The following NMRAL1 variants were observed in gnomAD, a reference collection of about 807,000 sequenced individuals.
NMRAL1 encodes the protein nmrA-like family domain-containing protein 1.
NMRAL1 carries 32 observed loss-of-function variants against 27.5 expected under a neutral mutation model. The observed-to-expected ratio is 1.16, with a 90% CI of 0.88 to 1.56. The LOEUF (loss-of-function observed/expected upper bound fraction) is 1.56. Among genes scored for constraint, NMRAL1 ranks in the 40% most tolerant of loss-of-function variants. The probability of loss-of-function intolerance (pLI) is 0.00; values close to 1 mark genes in which losing one functional copy is unlikely to be tolerated. For missense variants in NMRAL1, 420 were observed against 392.0 expected (o/e 1.07, Z -0.60); for synonymous variants, 166 against 166.8 (o/e 1.00, Z 0.04).
At chr16:4,468,497 T>C (rs1372252072) in intron 3 of NMRAL1, among the ~76,000 whole-genome samples, 9 of 150,912 alleles carry the variant, frequency 6.0e-5, no homozygotes, top group Non-Finnish European at 4.4e-5. Flanking sequence ...ACACCTATAA[T>C]CCCAGCTACT....
At chr16:4,466,633 C>T in intron 3 of NMRAL1, 1 of 558,000 alleles carries the variant, frequency 1.8e-6, no homozygotes, top group Non-Finnish European at 3.2e-6. Context: ...CCACCATGTG[C>T]AACATAGGAC....
intron 4 of NMRAL1, among the ~76,000 whole-genome samples, chr16:4,465,520 AT>A (rs1218359034): frequency 2.6e-5 from 4 of 152,078 alleles, no homozygotes. Flanking sequence ...ACTGAACTTC[AT>A]TTTCCAAATC....
At chr16:4,462,352 C>T (rs1031862861) in intron 5 of NMRAL1, among the ~76,000 whole-genome samples, 1 of 151,958 alleles carries the variant, frequency 6.6e-6, no homozygotes, top group African/African-American at 2.4e-5. Context: ...GTGGTAGGTG[C>T]GTGTAATCCC....
intron 5 of NMRAL1, chr16:4,463,274 A>T (rs2057179420): frequency 3.7e-6 from 1 of 269,966 alleles, no homozygotes; most frequent in Non-Finnish European, 6.9e-6. Flanking sequence ...CAATGGGGGC[A>T]GGGGTCGGCC....
Position 4,461,970 on chromosome 16 carries a change from A to G in NMRAL1, c.721-11T>C, listed in dbSNP as rs2057130498. 3 of 1,606,730 alleles carry G rather than the reference A, an allele frequency of 1.9e-6. No homozygotes were observed. On this transcript the variant is annotated splice_polypyrimidine_tract_variant and intron_variant, in intron 5 of 5. Coordinates refer to ENST00000283429, the MANE Select transcript of NMRAL1 (RefSeq NM_020677.6). ...GTCCTCAGGAGTCATCTGGAAGCAG[A>G]GGAGCCTGTCGTGGCCGGCGTCCTC...
At chr16:4,470,886 G>A (rs1011986300) in intron 2 of NMRAL1, among the ~76,000 whole-genome samples, 30 of 151,492 alleles carry the variant, frequency 2.0e-4, no homozygotes, top group Non-Finnish European at 4.1e-4. Context: ...GGTGGAGCTT[G>A]CAGTGAGCCG....
chr16:4,464,631 T>C (rs4786496), intron 4 of NMRAL1, among the ~76,000 whole-genome samples: 72,154 of 140,516 alleles, frequency 0.51, 20,927 homozygotes, highest in Non-Finnish European at 0.66. Context: ...TTTTTTTTTT[T>C]TGAGATGGAG....
At chr16:4,476,122 G>C (rs1323043944), upstream of NMRAL1, 1 of 152,224 alleles carries the variant, frequency 6.6e-6, no homozygotes, top group African/African-American at 2.4e-5. Context: ...ACATCACTGA[G>C]TGGATGTACA....
chr16:4,464,955 T>C (rs1445466458), intron 4 of NMRAL1, among the ~76,000 whole-genome samples: 2 of 148,368 alleles, frequency 1.3e-5, no homozygotes, highest in Non-Finnish European at 3.0e-5. Flanking sequence ...TCACCCAGGC[T>C]GGAGTGCAGT....
In NMRAL1 at chr16:4,474,623, T is replaced by G. The variant is rs918765332; in HGVS notation, c.-104A>C. ...GGCTGCAGCCGCCAATCCCGACGTG[T>G]CGGCCGAAACCCCTCCTCCGGCGCA... On this transcript the variant is annotated 5_prime_UTR_variant, in exon 1 of 6. Transcript: ENST00000283429. The G allele has an allele frequency of 6.5e-6, 1 of 154,912 alleles. No homozygotes were observed. Among genetic ancestry groups the G allele is most frequent in the Non-Finnish European group, 1.4e-5 (1 of 69,542 alleles). 9.6% of individuals were successfully genotyped at this position (154,912 alleles called of 1,614,324 possible).
chr16:4,471,821 T>A (rs942459729), intron 2 of NMRAL1, among the ~76,000 whole-genome samples: 6 of 151,784 alleles, frequency 4.0e-5, no homozygotes, highest in African/African-American at 1.5e-4. Flanking sequence ...AGCTGTAATC[T>A]AAGCACTTTG....
intron 3 of NMRAL1, among the ~76,000 whole-genome samples, chr16:4,468,242 C>T (rs558162129): frequency 1.3e-5 from 2 of 152,112 alleles, no homozygotes; most frequent in Admixed American, 6.5e-5. Context: ...GCGGAGGTTG[C>T]GGTGAGCCAA....
rs186839200 is a variant in NMRAL1 at position 4,470,598 on chromosome 16, G to A, written c.41-1133C>T. ...GGAGGCTGAGACAGGTGGATCACGA[G>A]GTCAGGAGCTCAAGACCAGCCTAGC... On this transcript the variant is annotated intron_variant, in intron 2 of 5. Transcript: ENST00000283429. 3.0e-3 allele frequency among the ~76,000 whole-genome samples: 449 copies of A among 152,180 alleles called. 3 individuals are homozygous for A. Among genetic ancestry groups the A allele is most frequent in the Middle Eastern group, 0.024 (7 of 294 alleles).
rs979507971 is a variant in NMRAL1, at chr16:4,463,435, C to T, written c.720+225G>A. On this transcript the variant is annotated intron_variant, in intron 5 of 5. Coordinates refer to ENST00000283429, the MANE Select transcript of NMRAL1 (RefSeq NM_020677.6). ...CCCTCCTTGCCTTGGCTCCTATGGC[C>T]CTCTCCTCCTGGAAGCTTTTCTCTC... 17 of 544,134 alleles carry T rather than the reference C, an allele frequency of 3.1e-5. No homozygotes were observed. In the East Asian group the frequency reaches 5.3e-4, roughly 17 times the overall value. The allele number at this position is 544,134 out of a possible 1,614,324, so 33.7% of individuals were successfully genotyped here. A position where few individuals can be genotyped will look rare whatever the true frequency, so the allele number is the denominator to read the frequency against.
rs1567345232 is a variant in NMRAL1, at chr16:4,463,660, C to T, written c.720G>A (p.Lys240=). Residue 240 remains lysine (K), a splice_region_variant and synonymous_variant, in exon 5 of 6, where the codon AAG becomes AAA. Coordinates refer to ENST00000283429, the MANE Select transcript of NMRAL1 (RefSeq NM_020677.6). ...GAGTCACCTGGGGCGGGAGGCCCAC[C>T]TTGGCATCGTGCACGACCTTGCGGG... ...KHTRKVVHDA[K]MTPEDYEKLG... The T allele has an allele frequency of 2.5e-6, 4 of 1,613,050 alleles. No homozygotes were observed. Among genetic ancestry groups the T allele is most frequent in the Non-Finnish European group, 3.4e-6 (4 of 1,179,896 alleles).
intron 3 of NMRAL1, among the ~76,000 whole-genome samples, chr16:4,467,869 C>T (rs1216714245): frequency 6.6e-6 from 1 of 152,038 alleles, no homozygotes; most frequent in Non-Finnish European, 1.5e-5. Flanking sequence ...ATCTGCCCGC[C>T]TCGGCCTCCC....
chr16:4,469,574 T>A, intron 2 of NMRAL1, 109 bp from the exon 3 acceptor site: 1 of 1,541,678 alleles, frequency 6.5e-7, no homozygotes, highest in Non-Finnish European at 8.7e-7. Flanking sequence ...CCAGGAAACC[T>A]TCTCAACGAC....
At position 4,469,327 on chromosome 16, in the gene NMRAL1, T is replaced by C. The variant is rs1241328119; in HGVS notation, c.179A>G (p.Asp60Gly). ...GGCCAGCTCCATGATGACCTGGTCA[T>C]CTTGGTCTCCCTGCACTACTTCTGC... Reference protein sequence around the residue: ...QGAEVVQGDQDDQVIMELALN... With the variant: ...QGAEVVQGDQGDQVIMELALN... The change falls in exon 3 of 6, where the codon GAT becomes GGT. Residue 60 changes from aspartate (D) to glycine (G), a missense_variant. Asp to Gly is a moderately conservative substitution (Grantham distance 94). Transcript: ENST00000283429. The C allele has an allele frequency of 6.2e-7, 1 of 1,614,194 alleles. No homozygotes were observed. Among genetic ancestry groups the C allele is most frequent in the Non-Finnish European group, 8.5e-7 (1 of 1,180,022 alleles).
rs1327830820 is a variant in NMRAL1, at chr16:4,469,417, A to G, written c.89T>C (p.Phe30Ser). ...VARTLLEDGT[F>S]KVRVVTRNPR... is the part of the protein sequence containing the mutation. Reference sequence around the variant, plus strand: ...GTTTCGGGTCACCACTCGAACCTTGAATGTCCCATCTTCCAGGAGTGTGCG... The same window carrying G: ...GTTTCGGGTCACCACTCGAACCTTGGATGTCCCATCTTCCAGGAGTGTGCG... The change falls in exon 3 of 6, where the codon TTC (phenylalanine) becomes TCC (serine). Residue 30 changes from phenylalanine (F) to serine (S), a missense_variant. Coordinates refer to ENST00000283429, the MANE Select transcript of NMRAL1 (RefSeq NM_020677.6). The G allele has an allele frequency of 2.5e-6, 4 of 1,613,954 alleles. No homozygotes were observed. In the African/African-American group the frequency reaches 5.3e-5, roughly 22 times the overall value.
Sources: gnomAD v4.1 joint callset for allele counts (sites outside exome capture counted in the v4.1 genomes callset) on GRCh38, gnomAD v4.1.1 for gene constraint, MANE v1.5 for transcripts, NCBI Gene and HGNC (gene_info 2026-07-23, HGNC 2026-07-21) for gene names.